FBXL7: variants seen among roughly 807,000 people sequenced by gnomAD.
The protein encoded by FBXL7 is F-box and leucine rich repeat protein 7, also known as F-box/LRR-repeat protein 7.
FBXL7 carries 12 observed loss-of-function variants against 38.3 expected under a neutral mutation model. That is an observed-to-expected ratio of 0.31 (90% CI 0.20 to 0.51). The LOEUF is 0.51. Among genes scored for constraint, FBXL7 ranks in the 20% least tolerant of loss-of-function variants. The pLI is 0.98. For synonymous variants in FBXL7, 297 were observed against 300.9 expected, an observed-to-expected ratio of 0.99 and a Z score of 0.13; for missense variants, 567 against 676.4, an observed-to-expected ratio of 0.84 and a Z score of 1.79.
At chr5:15,797,637 T>C (rs1036448308) in intron 2 of FBXL7, among the ~76,000 whole-genome samples, 1 of 152,210 alleles carries the variant, frequency 6.6e-6, no homozygotes, top group Non-Finnish European at 1.5e-5. Flanking sequence ...GGTAATGGCA[T>C]TGAAAATAGG....
At chr5:15,724,235 A>T (rs1444771109) in intron 2 of FBXL7, among the ~76,000 whole-genome samples, 1 of 152,140 alleles carries the variant, frequency 6.6e-6, no homozygotes, top group Non-Finnish European at 1.5e-5. Flanking sequence ...GTAATCTTAT[A>T]GTGCTTAAAA....
chr5:15,849,282 C>G (rs1263428588), intron 2 of FBXL7, among the ~76,000 whole-genome samples: 3 of 152,172 alleles, frequency 2.0e-5, no homozygotes, highest in African/African-American at 7.2e-5. Flanking sequence ...TTCATTGCAT[C>G]TGAAAGAGAT....
intron 2 of FBXL7, among the ~76,000 whole-genome samples, chr5:15,647,063 CTTATA>C (rs1741554055): frequency 6.6e-6 from 1 of 152,152 alleles, no homozygotes. Flanking sequence ...CTGTGGAACT[CTTATA>C]TTAGATTTGG....
chr5:15,733,542 A>G (rs1735669889), intron 2 of FBXL7, among the ~76,000 whole-genome samples: 1 of 152,200 alleles, frequency 6.6e-6, no homozygotes, highest in South Asian at 2.1e-4. Flanking sequence ...TACTGGGAAG[A>G]GTTAATGCAA....
intron 2 of FBXL7, among the ~76,000 whole-genome samples, chr5:15,825,417 T>C (rs1738285085): frequency 6.6e-6 from 1 of 152,194 alleles, no homozygotes; most frequent in African/African-American, 2.4e-5. Flanking sequence ...AAGGTCTCAA[T>C]TCATTAAAAC....
intron 1 of FBXL7, among the ~76,000 whole-genome samples, chr5:15,553,787 A>G (rs932484342): frequency 6.6e-6 from 1 of 152,216 alleles, no homozygotes; most frequent in Non-Finnish European, 1.5e-5. Context: ...AAGCCTTACA[A>G]AGGACTTGAA....
intron 2 of FBXL7, among the ~76,000 whole-genome samples, chr5:15,745,496 A>C (rs889089769): frequency 6.6e-6 from 1 of 152,208 alleles, no homozygotes; most frequent in East Asian, 1.9e-4. Context: ...AAATTATATT[A>C]TGGTGTTAAT....
At chr5:15,671,496 A>T (rs1368525083) in intron 2 of FBXL7, among the ~76,000 whole-genome samples, 1 of 152,144 alleles carries the variant, frequency 6.6e-6, no homozygotes, top group Non-Finnish European at 1.5e-5. Flanking sequence ...TTAGGCTAAT[A>T]AATATTCTTA....
At chr5:15,715,994 C>T (rs747829355) in intron 2 of FBXL7, among the ~76,000 whole-genome samples, 1 of 152,202 alleles carries the variant, frequency 6.6e-6, no homozygotes, top group Non-Finnish European at 1.5e-5. Context: ...TGCTAAATTA[C>T]ATTGGCTTGA....
chr5:15,675,848 G>T (rs368478968), intron 2 of FBXL7, among the ~76,000 whole-genome samples: 2 of 152,158 alleles, frequency 1.3e-5, no homozygotes, highest in Admixed American at 6.5e-5. Flanking sequence ...GTATAATTGT[G>T]TTATTCCTTA....
intron 2 of FBXL7, among the ~76,000 whole-genome samples, chr5:15,652,378 T>TG (rs111793018): frequency 1.6e-4 from 25 of 152,266 alleles, no homozygotes; most frequent in African/African-American, 5.8e-4. Context: ...GCCATTCTCC[T>TG]GCCTCAGCCT....
At chr5:15,837,185 A>G (rs1326718370) in intron 2 of FBXL7, among the ~76,000 whole-genome samples, 2 of 152,242 alleles carry the variant, frequency 1.3e-5, no homozygotes, top group Non-Finnish European at 2.9e-5. Flanking sequence ...GCCAACATTA[A>G]TTGAAATGTA....
rs1742249236 is a variant in FBXL7 at position 15,938,028 on chromosome 5, A to AGGAGATTAT, written c.*843_*844insGAGATTATG. On this transcript the variant is annotated 3_prime_UTR_variant, in exon 4 of 4. Transcript: ENST00000504595. ...TGATTTCAGGAGATTGTGCAGTGCCAGCATCAGTGCATAAAGGGTCCTGTA... is the reference window on the plus strand; with the variant it reads ...TGATTTCAGGAGATTGTGCAGTGCCAGGAGATTATGCATCAGTGCATAAAGGGTCCTGTA... 6.6e-6 allele frequency: 1 copy of AGGAGATTAT among 152,264 alleles called. No homozygotes were observed. Among genetic ancestry groups the AGGAGATTAT allele is most frequent in the Non-Finnish European group, 1.5e-5 (1 of 68,086 alleles). 9.4% of individuals were successfully genotyped at this position (152,264 alleles called of 1,614,324 possible).
chr5:15,526,588 G>C (rs1462999935), intron 1 of FBXL7, among the ~76,000 whole-genome samples: 1 of 152,072 alleles, frequency 6.6e-6, no homozygotes, highest in African/African-American at 2.4e-5. Flanking sequence ...AAACAGACTG[G>C]GGGTACTCAA....
At chr5:15,712,376 G>A (rs1467357342) in intron 2 of FBXL7, among the ~76,000 whole-genome samples, 1 of 147,680 alleles carries the variant, frequency 6.8e-6, no homozygotes, top group Non-Finnish European at 1.5e-5. Flanking sequence ...AACCTAAAAC[G>A]ACAGCAACAA....
chr5:15,709,541 GAAAA>G (rs34992219), intron 2 of FBXL7, among the ~76,000 whole-genome samples: 2 of 89,520 alleles, frequency 2.2e-5, no homozygotes, highest in African/African-American at 8.3e-5. Flanking sequence ...CTCAAAAAAA[GAAAA>G]AAAAAAAAAA....
chr5:15,681,220 T>G (rs1015753515), intron 2 of FBXL7, among the ~76,000 whole-genome samples: 4 of 152,196 alleles, frequency 2.6e-5, no homozygotes, highest in African/African-American at 9.6e-5. Context: ...ATGTGAGGAA[T>G]TCATCCAAAG....
intron 2 of FBXL7, among the ~76,000 whole-genome samples, chr5:15,729,368 T>C (rs1735511572): frequency 6.6e-6 from 1 of 152,142 alleles, no homozygotes; most frequent in African/African-American, 2.4e-5. Context: ...CTAATAGTCT[T>C]TTGATATTTC....
At chr5:15,764,291 G>C (rs1736527796) in intron 2 of FBXL7, among the ~76,000 whole-genome samples, 1 of 152,166 alleles carries the variant, frequency 6.6e-6, no homozygotes, top group South Asian at 2.1e-4. Context: ...CCTGTATTTT[G>C]ACCACAAGAT....
Sources: allele counts gnomAD v4.1 joint callset (sites outside exome capture counted in the v4.1 genomes callset), GRCh38; gene constraint gnomAD v4.1.1; transcripts MANE v1.5; gene names NCBI Gene and HGNC (gene_info 2026-07-23, HGNC 2026-07-21).